Variants in HEPH observed in about 807,000 individuals in gnomAD.
The protein encoded by HEPH is hephaestin.
A neutral mutation model predicts 80.8 loss-of-function variants in HEPH; 69 were observed. The observed-to-expected ratio is 0.85, with a 90% CI of 0.70 to 1.04. The LOEUF is 1.04. Among genes scored for constraint, HEPH ranks in the 50% least tolerant of loss-of-function variants. The pLI, the probability that HEPH is intolerant of heterozygous loss-of-function variation, is 0.00. For missense variants in HEPH, 1,115 were observed against 891.3 expected, an observed-to-expected ratio of 1.25 and a Z score of -3.20; for synonymous variants, 431 against 322.8, an observed-to-expected ratio of 1.34 and a Z score of -3.60.
At chrX:66,172,657 T>A in intron 3 of HEPH, 58 bp downstream of exon 3, 4 of 1,071,371 alleles carry the variant, frequency 3.7e-6, no homozygotes, top group Non-Finnish European at 5.0e-6. Flanking sequence ...TTTCCTTTAT[T>A]GCCAGGTGAA....
intron 15 of HEPH, among the ~76,000 whole-genome samples, chrX:66,213,649 TAAAG>T (rs1216726310): frequency 9.1e-6 from 1 of 109,650 alleles, no homozygotes; most frequent in Non-Finnish European, 1.9e-5. Context: ...TTTGGAAAAA[TAAAG>T]AATACCTGGG....
chrX:66,188,496 G>T lies in HEPH; in HGVS notation c.763G>T (p.Val255Leu). The change falls in exon 5 of 21, where the codon GTG (valine) becomes TTG (leucine). Residue 255 changes from valine to leucine, a missense_variant. Val to Leu is a conservative substitution (Grantham distance 32). Around this residue, in one of 3 missense-constraint regions of HEPH, gnomAD observed 391 missense variants for 343.6 expected, o/e 1.14. Coordinates refer to ENST00000343002, the MANE Select transcript of HEPH (RefSeq NM_001367233.3). ...CACTTACTGCTCAGATCCTGCTTCAGTGGACAAAGAAGATGAGACATTTCA... is the reference window on the plus strand; with the variant it reads ...CACTTACTGCTCAGATCCTGCTTCATTGGACAAAGAAGATGAGACATTTCA... The part of the protein sequence containing the change: ...IATYCSDPAS[V>L]DKEDETFQES... 1.7e-6 allele frequency: 2 copies of T among 1,210,847 alleles called. No homozygotes were observed. The highest frequency in any genetic ancestry group is 2.2e-6 in the Non-Finnish European group (2 of 895,119).
intron 15 of HEPH, among the ~76,000 whole-genome samples, chrX:66,221,084 A>G (rs1477449545): frequency 1.8e-5 from 2 of 111,598 alleles, no homozygotes; most frequent in Non-Finnish European, 3.8e-5. Flanking sequence ...AGTCCCCGCA[A>G]TGAGTTTTCT....
At chrX:66,201,936 G>A (rs771423052) in intron 12 of HEPH, among the ~76,000 whole-genome samples, 1 of 112,457 alleles carries the variant, frequency 8.9e-6, no homozygotes, top group Non-Finnish European at 1.9e-5. Flanking sequence ...AGAAGTAGAT[G>A]TGGAAAGAAA....
chrX:66,211,864 A>T (rs806609), intron 15 of HEPH, among the ~76,000 whole-genome samples: 32,079 of 110,599 alleles, frequency 0.29, 4,243 homozygotes, highest in African/African-American at 0.51. Flanking sequence ...TAGTAGTGAC[A>T]TTGCTGGATT....
intron 15 of HEPH, among the ~76,000 whole-genome samples, chrX:66,245,290 C>A (rs1035905033): frequency 4.5e-5 from 5 of 110,810 alleles, no homozygotes; most frequent in East Asian, 2.8e-4. Flanking sequence ...GGAAGATCTA[C>A]CAAGCAAATG....
intron 4 of HEPH, among the ~76,000 whole-genome samples, chrX:66,174,678 G>GT (rs1036204462): frequency 9.0e-6 from 1 of 111,445 alleles, no homozygotes; most frequent in Admixed American, 9.5e-5. Context: ...AACATCTACT[G>GT]TTTTTTGATT....
intron 18 of HEPH, among the ~76,000 whole-genome samples, chrX:66,259,679 G>T (rs1421608818): frequency 9.2e-6 from 1 of 108,515 alleles, no homozygotes; most frequent in African/African-American, 3.4e-5. Context: ...AGCTTCGGTG[G>T]GTGGGTTCAT....
At chrX:66,212,408 C>T (rs1238284225) in intron 15 of HEPH, among the ~76,000 whole-genome samples, 1 of 110,888 alleles carries the variant, frequency 9.0e-6, no homozygotes, top group African/African-American at 3.3e-5. Context: ...AATTCTTTGC[C>T]TCAACCAATG....
Position 66,255,073 on chromosome X carries a change from T to A in HEPH, c.2602T>A (p.Ser868Thr), listed in dbSNP as rs766265617. The change falls in exon 16 of 21, where the codon TCT (serine) becomes ACT (threonine). Residue 868 changes from serine (S) to threonine (T), a missense_variant. Ser to Thr is a moderately conservative substitution (Grantham distance 58). Transcript: ENST00000343002. The stretch of plus-strand genomic sequence containing the variant: ...TTATCAGTGGAACATCCCAGAGAGG[T>A]CTGGCCCTGGGCCCAATGACTCTGC... ...VTYQWNIPERSGPGPNDSACV... is the reference protein window; with the variant it reads ...VTYQWNIPERTGPGPNDSACV... 3.4e-5 allele frequency: 41 copies of A among 1,207,548 alleles called. No individual in the cohort carries two copies. The highest frequency in any genetic ancestry group is 4.4e-5 in the Non-Finnish European group (39 of 892,950).
At chrX:66,220,615 T>C (rs1222517831) in intron 15 of HEPH, among the ~76,000 whole-genome samples, 2 of 112,246 alleles carry the variant, frequency 1.8e-5, no homozygotes, top group Non-Finnish European at 3.8e-5. Context: ...ACAAATGTAC[T>C]TATTTTCTGC....
At chrX:66,195,444 T>A (rs189290545) in intron 9 of HEPH, among the ~76,000 whole-genome samples, 139 of 111,414 alleles carry the variant, frequency 1.2e-3, no homozygotes, top group African/African-American at 4.3e-3. Flanking sequence ...ATCCTAATTT[T>A]AAAAATAAGT....
chrX:66,197,737 G>A lies in HEPH; in HGVS notation c.1556G>A (p.Trp519Ter), dbSNP rs1412565318. The part of the protein sequence containing the change: ...AKPFEKVTYR[W>*]TVPPHAGPTA... Reference sequence around the variant, plus strand: ...CCCTTTGAGAAAGTAACATACCGCTGGACAGTCCCCCCTCATGCCGGTCCC... The same window carrying A: ...CCCTTTGAGAAAGTAACATACCGCTAGACAGTCCCCCCTCATGCCGGTCCC... The change falls in exon 10 of 21, where the codon TGG becomes TAG. Residue 519 changes from tryptophan (W) to a stop codon, truncating the protein, a stop_gained. Transcript: ENST00000343002. LOFTEE classifies it high-confidence loss of function. The A allele has an allele frequency of 1.7e-6, 2 of 1,209,910 alleles. No homozygotes were observed. Among genetic ancestry groups the A allele is most frequent in the Non-Finnish European group, 2.2e-6 (2 of 895,166 alleles).
chrX:66,250,030 A>G (rs1192760892), intron 15 of HEPH, among the ~76,000 whole-genome samples: 1 of 111,312 alleles, frequency 9.0e-6, no homozygotes, highest in African/African-American at 3.3e-5. Context: ...AGGGAAAAGA[A>G]TGGAGTCAGG....
rs757615226 is a variant in HEPH at position 66,256,190 on chromosome X, G to A, written c.2756G>A (p.Arg919Gln). ...EPHGGRSDMDREFALLFLIFD... is the reference protein window; with the variant it reads ...EPHGGRSDMDQEFALLFLIFD... ...CATGGAGGACGGAGTGACATGGATC[G>A]GGAATTTGCATTGTTGTTCTTGATT... The change falls in exon 17 of 21, where the codon CGG becomes CAG. Residue 919 changes from arginine (R) to glutamine (Q), a missense_variant. Physicochemically the swap from Arg to Gln is conservative, Grantham distance 43. Transcript: ENST00000343002. The A allele has an allele frequency of 7.4e-6, 9 of 1,211,331 alleles. No homozygotes were observed. The highest frequency in any genetic ancestry group is 1.8e-5 in the South Asian group (1 of 56,974).
At chrX:66,186,990 T>A (rs1283777505) in intron 4 of HEPH, among the ~76,000 whole-genome samples, 1 of 111,268 alleles carries the variant, frequency 9.0e-6, no homozygotes, top group Non-Finnish European at 1.9e-5. Flanking sequence ...GACTCTGAAT[T>A]TTTTTCTTCT....
chrX:66,232,681 C>T (rs891421866), intron 15 of HEPH, among the ~76,000 whole-genome samples: 4 of 110,326 alleles, frequency 3.6e-5, no homozygotes, highest in African/African-American at 1.3e-4. Flanking sequence ...GTACACCCAC[C>T]TTAATGATAA....
chrX:66,208,277 G>A (rs763875950), intron 15 of HEPH, 31 bp downstream of exon 15: 7 of 1,184,131 alleles, frequency 5.9e-6, no homozygotes, highest in East Asian at 6.0e-5. Context: ...AAAGAACAAA[G>A]GACATGCATC....
At chrX:66,236,719 G>C (rs1280925958) in intron 15 of HEPH, among the ~76,000 whole-genome samples, 1 of 111,283 alleles carries the variant, frequency 9.0e-6, no homozygotes, top group African/African-American at 3.3e-5. Context: ...TGTAGAATTG[G>C]GTTGTGAATC....
Sources: gnomAD v4.1 joint callset for allele counts (sites outside exome capture counted in the v4.1 genomes callset) on GRCh38, gnomAD v4.1.1 for gene constraint, gnomAD v4.1.1 regional missense constraint, MANE v1.5 for transcripts, NCBI Gene and HGNC (gene_info 2026-07-23, HGNC 2026-07-21) for gene names.